FRS2: variants seen among roughly 807,000 people sequenced by gnomAD.
The protein encoded by FRS2 is fibroblast growth factor receptor substrate 2.
FRS2 carries 8 observed loss-of-function variants against 43.9 expected under a neutral mutation model. The ratio of observed to expected loss-of-function variants is 0.18; its 90% confidence interval spans 0.11 to 0.33. The LOEUF (loss-of-function observed/expected upper bound fraction) is 0.33, where lower values mean the gene tolerates loss of function less well. Ranked by LOEUF, FRS2 falls within the 10% of genes least tolerant of loss-of-function variation. FRS2 has a pLI of 1.00. For synonymous variants in FRS2, 219 were observed against 220.3 expected, an observed-to-expected ratio of 0.99 and a Z score of 0.05; for missense variants, 534 against 627.6, an observed-to-expected ratio of 0.85 and a Z score of 1.59.
Position 69,574,253 on chromosome 12 carries a change from A to G in FRS2, c.825A>G (p.Gln275=). The G allele has an allele frequency of 6.2e-7, 1 of 1,614,224 alleles. No individual in the cohort carries two copies. The highest frequency in any genetic ancestry group is 1.3e-5 in the African/African-American group (1 of 75,078). The change falls in exon 9 of 9, where the codon CAA becomes CAG. Residue 275 remains glutamine (Q), a synonymous_variant. Transcript: ENST00000549921. ...KEKLEQLGRD[Q]VSGSGANNTE... ...AACTGGAGCAACTTGGAAGAGATCA[A>G]GTTAGTGGAAGTGGAGCAAATAACA...
At chr12:69,553,630 A>G (rs1240070876) in intron 3 of FRS2, among the ~76,000 whole-genome samples, 4 of 152,096 alleles carry the variant, frequency 2.6e-5, no homozygotes. Flanking sequence ...CATCTGTTAC[A>G]CATCTGAAAT....
intron 3 of FRS2, among the ~76,000 whole-genome samples, chr12:69,536,964 T>C (rs74101192): frequency 0.02 from 3,040 of 152,306 alleles, 108 homozygotes; most frequent in African/African-American, 0.069. Flanking sequence ...GTTGGACATA[T>C]ATATTTGTCT....
chr12:69,498,265 A>G (rs902862272), intron 1 of FRS2, among the ~76,000 whole-genome samples: 3 of 152,234 alleles, frequency 2.0e-5, no homozygotes, highest in Admixed American at 6.5e-5. Context: ...TCTATTCTAT[A>G]CAAGGAATTA....
chr12:69,487,783 A>G (rs1872091316), intron 1 of FRS2, among the ~76,000 whole-genome samples: 1 of 152,250 alleles, frequency 6.6e-6, no homozygotes, highest in South Asian at 2.1e-4. Flanking sequence ...CCAAAGAGTC[A>G]TTAAGAACAC....
intron 3 of FRS2, among the ~76,000 whole-genome samples, chr12:69,545,755 CAAAAAA>C (rs60460901): frequency 1.4e-4 from 11 of 80,424 alleles, no homozygotes; most frequent in African/African-American, 3.5e-4. Flanking sequence ...GACCCTGTCT[CAAAAAA>C]AAAAAAAAAA....
At chr12:69,478,767 G>A (rs909910066) in intron 1 of FRS2, among the ~76,000 whole-genome samples, 18 of 141,596 alleles carry the variant, frequency 1.3e-4, no homozygotes, top group African/African-American at 4.9e-4. Context: ...TGTGTGTAAA[G>A]AATTATATAA....
chr12:69,538,073 C>T (rs747187985), intron 3 of FRS2: 214 of 152,274 alleles, frequency 1.4e-3, no homozygotes, highest in Non-Finnish European at 2.6e-3. Flanking sequence ...GTCTGTCTCC[C>T]GCAGTCTGCA....
intron 4 of FRS2, among the ~76,000 whole-genome samples, chr12:69,565,149 T>C (rs1284129837): frequency 6.6e-6 from 1 of 152,254 alleles, no homozygotes; most frequent in Non-Finnish European, 1.5e-5. Flanking sequence ...GCAACATCAC[T>C]GTACTGAATA....
intron 3 of FRS2, among the ~76,000 whole-genome samples, chr12:69,546,701 A>G (rs1878442052): frequency 6.6e-6 from 1 of 152,172 alleles, no homozygotes; most frequent in African/African-American, 2.4e-5. Context: ...AAGGATGGCT[A>G]CTATTTTTTA....
chr12:69,528,690 A>G (rs916997684), intron 1 of FRS2, among the ~76,000 whole-genome samples: 4 of 152,248 alleles, frequency 2.6e-5, no homozygotes, highest in Non-Finnish European at 5.9e-5. Flanking sequence ...TTATGTTTGA[A>G]GATTACCATC....
intron 1 of FRS2, among the ~76,000 whole-genome samples, chr12:69,487,528 A>G (rs1448239285): frequency 2.6e-5 from 4 of 152,228 alleles, no homozygotes; most frequent in Non-Finnish European, 5.9e-5. Flanking sequence ...CTTTCAAAAT[A>G]TTACTACTCA....
rs867783239 is a variant in FRS2 at position 69,575,809 on chromosome 12, T to C, written c.*854T>C. On this transcript the variant is annotated 3_prime_UTR_variant, in exon 9 of 9. Transcript: ENST00000549921. ...GGTTTCCATTTATCTTCAGTTTTTT[T>C]CTTTGGTGTTTGGGATGTCTTATTT... 15 of 152,780 alleles carry C rather than the reference T, an allele frequency of 9.8e-5. No homozygotes were observed. Among genetic ancestry groups the C allele is most frequent in the Middle Eastern group, 3.4e-3 (1 of 294 alleles). The allele number at this position is 152,780 out of a possible 1,614,324, so 9.5% of individuals were successfully genotyped here.
chr12:69,511,398 C>G (rs1013401670), intron 1 of FRS2, among the ~76,000 whole-genome samples: 2 of 152,148 alleles, frequency 1.3e-5, no homozygotes, highest in Non-Finnish European at 2.9e-5. Context: ...TGTGTGCACA[C>G]TCTTTGACCC....
intron 1 of FRS2, among the ~76,000 whole-genome samples, chr12:69,529,774 C>G (rs982150026): frequency 2.0e-5 from 3 of 151,956 alleles, no homozygotes; most frequent in Non-Finnish European, 4.4e-5. Flanking sequence ...GAAAAATACC[C>G]GTAGGCTGGA....
chr12:69,575,145 A>T lies in FRS2; in HGVS notation c.*190A>T. 5.4e-6 allele frequency: 3 copies of T among 558,256 alleles called. No homozygotes were observed. The highest frequency in any genetic ancestry group is 6.3e-6 in the Non-Finnish European group (2 of 316,138). The allele number at this position is 558,256 out of a possible 1,614,324, so 34.6% of individuals were successfully genotyped here. A position where few individuals can be genotyped will look rare whatever the true frequency, so the allele number is the denominator to read the frequency against. The stretch of plus-strand genomic sequence containing the variant: ...GTACTCCTTAAAGAACACTAATTTC[A>T]TTATATACTACTCGTTGTACAGCAG... On this transcript the variant is annotated 3_prime_UTR_variant, in exon 9 of 9. Transcript: ENST00000549921.
At chr12:69,474,213 G>C (rs948932439) in intron 1 of FRS2, among the ~76,000 whole-genome samples, 1 of 152,166 alleles carries the variant, frequency 6.6e-6, no homozygotes, top group South Asian at 2.1e-4. Context: ...AAGGAGGTAC[G>C]TAATGAGATC....
chr12:69,514,334 G>C (rs1297045708), intron 1 of FRS2, among the ~76,000 whole-genome samples: 1 of 152,120 alleles, frequency 6.6e-6, no homozygotes, highest in African/African-American at 2.4e-5. Flanking sequence ...AACACTGCTG[G>C]CTCTGGATGA....
intron 3 of FRS2, among the ~76,000 whole-genome samples, chr12:69,538,940 T>A (rs573609205): frequency 2.0e-5 from 3 of 152,288 alleles, no homozygotes; most frequent in South Asian, 4.1e-4. Flanking sequence ...ACAGAGGCCC[T>A]CCTAGATGCC....
chr12:69,512,978 C>T (rs73341735), intron 1 of FRS2, among the ~76,000 whole-genome samples: 2,843 of 152,194 alleles, frequency 0.019, 86 homozygotes, highest in African/African-American at 0.065. Context: ...AGGAAGATGT[C>T]TTAATGACAT....
Sources: allele counts gnomAD v4.1 joint callset (sites outside exome capture counted in the v4.1 genomes callset), GRCh38; gene constraint gnomAD v4.1.1; transcripts MANE v1.5; gene names NCBI Gene and HGNC (gene_info 2026-07-23, HGNC 2026-07-21).